The following LPO variants were observed in gnomAD, a reference collection of about 807,000 sequenced individuals.
LPO encodes the protein salivary peroxidase.
In LPO, 70 loss-of-function variants were observed where a neutral mutation model predicts 68.4. That is an observed-to-expected ratio of 1.02 (90% confidence interval 0.84 to 1.25). The LOEUF is 1.25. Ranked by LOEUF, LPO falls within the 50% of genes most tolerant of loss-of-function variation. LPO has a pLI of 0.00. For synonymous variants in LPO, 360 were observed against 357.6 expected (o/e 1.01, Z -0.08); for missense variants, 873 against 908.4 (o/e 0.96, Z 0.50).
At chr17:58,238,905 G>C (rs1195778396) in intron 1 of LPO, among the ~76,000 whole-genome samples, 166 bp downstream of exon 1, 1 of 152,128 alleles carries the variant, frequency 6.6e-6, no homozygotes, top group African/African-American at 2.4e-5. Context: ...TTTGGTATAA[G>C]AGAGAATGTA....
rs1352657291 is a variant in LPO, at chr17:58,249,182, C to T, written c.443+5C>T. On this transcript the variant is annotated splice_donor_5th_base_variant and intron_variant, in intron 5 of 12. Coordinates refer to ENST00000262290, the MANE Select transcript of LPO (RefSeq NM_006151.3). ...TACGGGAGACTGCAATAACAGGTGG[C>T]GGGGCTTGGGGTGTGGGGGCCGACC... The T allele has an allele frequency of 2.5e-6, 4 of 1,608,916 alleles. No homozygotes were observed. In the South Asian group the frequency reaches 3.3e-5, roughly 13 times the overall value.
chr17:58,250,419 G>C lies in LPO; in HGVS notation c.578G>C (p.Arg193Pro), dbSNP rs928003387. The C allele has an allele frequency of 6.2e-7, 1 of 1,613,946 alleles. No individual in the cohort carries two copies. The highest frequency in any genetic ancestry group is 8.5e-7 in the Non-Finnish European group (1 of 1,179,906). The stretch of plus-strand genomic sequence containing the variant: ...CCCTTCTCTCTCCATCTGTAGGCCC[G>C]GGAGGTATCTAACAAGATTGTTGGC... ...TRNGFPLPLAREVSNKIVGYL... is the reference protein window; with the variant it reads ...TRNGFPLPLAPEVSNKIVGYL... The change falls in exon 7 of 13, where the codon CGG becomes CCG. Residue 193 changes from arginine (R) to proline (P), a missense_variant. By Grantham distance (103) the Arg-to-Pro change is moderately radical (BLOSUM62 -2). Coordinates refer to ENST00000262290, the MANE Select transcript of LPO (RefSeq NM_006151.3).
chr17:58,254,461 G>A (rs865948133), intron 8 of LPO: 1 of 162,488 alleles, frequency 6.2e-6, no homozygotes, highest in Non-Finnish European at 1.3e-5. Context: ...CTAGAAGGCG[G>A]TTGGGTTATA....
At chr17:58,253,971 A>T (rs1332685845) in intron 8 of LPO, among the ~76,000 whole-genome samples, 29 of 151,874 alleles carry the variant, frequency 1.9e-4, no homozygotes, top group Non-Finnish European at 1.5e-5. Context: ...AACTAGCAAC[A>T]CATGGTGGCA....
Position 58,267,671 on chromosome 17 carries a change from G to A in LPO, c.1931+85G>A, listed in dbSNP as rs140320377. On this transcript the variant is annotated intron_variant, in intron 12 of 12. Transcript: ENST00000262290. ...AAGGTCCTGCGTGAGCGCTGACTCC[G>A]GATCTCAGTGTGAGTAGGGCTTTTC... The A allele has an allele frequency of 2.4e-3, 3,475 of 1,459,036 alleles. 15 individuals are homozygous for A. The highest frequency in any genetic ancestry group is 5.6e-3 in the Middle Eastern group (29 of 5,194). The allele number at this position is 1,459,036 out of a possible 1,614,324, so 90.4% of individuals were successfully genotyped here.
At position 58,267,486 on chromosome 17, in the gene LPO, A is replaced by T; in HGVS notation, c.1831A>T (p.Ile611Leu). The change falls in exon 12 of 13, where the codon ATA (isoleucine) becomes TTA (leucine). Residue 611 changes from isoleucine (I) to leucine (L), a missense_variant. Coordinates refer to ENST00000262290, the MANE Select transcript of LPO (RefSeq NM_006151.3). The stretch of plus-strand genomic sequence containing the variant: ...GACCCCTGACAACATCGACATCTGG[A>T]TAGGGGCCATTGCTGAGCCGCTGGT... ...YGTPDNIDIW[I>L]GAIAEPLVER... 6.2e-7 allele frequency: 1 copy of T among 1,614,206 alleles called. No homozygotes were observed. Among genetic ancestry groups the T allele is most frequent in the South Asian group, 1.1e-5 (1 of 91,084 alleles).
At chr17:58,249,840 T>C (rs1200137654) in intron 6 of LPO, 145 bp downstream of exon 6, 5 of 1,251,248 alleles carry the variant, frequency 4.0e-6, no homozygotes, top group Non-Finnish European at 5.3e-6. Context: ...CACCTTCCGC[T>C]AGAGGGCAGC....
Position 58,254,806 on chromosome 17 carries a change from T to G in LPO, c.1106-5T>G, listed in dbSNP as rs1303588996. 2.5e-6 allele frequency: 4 copies of G among 1,613,676 alleles called. No individual in the cohort carries two copies. Among genetic ancestry groups the G allele is most frequent in the South Asian group, 1.1e-5 (1 of 91,058 alleles). On this transcript the variant is annotated splice_polypyrimidine_tract_variant and splice_region_variant and intron_variant, in intron 8 of 12. Transcript: ENST00000262290. ...AATCTACCTTCCTGCCTTCTGGGCTTTCAGGAGATTCTCGAGCCTCAGAGC... is the reference window on the plus strand; with the variant it reads ...AATCTACCTTCCTGCCTTCTGGGCTGTCAGGAGATTCTCGAGCCTCAGAGC...
intron 4 of LPO, 56 bp downstream of exon 4, chr17:58,247,694 A>G: frequency 6.4e-7 from 1 of 1,571,852 alleles, no homozygotes; most frequent in Non-Finnish European, 8.7e-7. Context: ...CCCACAGGAG[A>G]AAGCAGAGGC....
At position 58,267,336 on chromosome 17, in the gene LPO, C is replaced by T. The variant is rs866371284; in HGVS notation, c.1694-13C>T. 6.2e-7 allele frequency: 1 copy of T among 1,608,686 alleles called. No individual in the cohort carries two copies. Among genetic ancestry groups the T allele is most frequent in the South Asian group, 1.1e-5 (1 of 90,910 alleles). ...GTCCCCGGGATGAGACAGCCTCAGT[C>T]TCTCCACCCTAGGGTACAATTCCTG... On this transcript the variant is annotated splice_polypyrimidine_tract_variant and intron_variant, in intron 11 of 12. Transcript: ENST00000262290.
intron 3 of LPO, among the ~76,000 whole-genome samples, chr17:58,246,621 C>T (rs1969857250): frequency 6.6e-6 from 1 of 152,164 alleles, no homozygotes; most frequent in Non-Finnish European, 1.5e-5. Context: ...TGGATGGGAC[C>T]TTACAGGCTA....
At chr17:58,265,573 CTTTTTTTTTTTTT>C (rs71365866) in intron 10 of LPO, among the ~76,000 whole-genome samples, 1 of 85,212 alleles carries the variant, frequency 1.2e-5, no homozygotes, top group Admixed American at 1.3e-4. Flanking sequence ...TTAAAAATAC[CTTTTTTTTTTTTT>C]TTTTTTTTTT....
intron 4 of LPO, among the ~76,000 whole-genome samples, chr17:58,248,152 C>T (rs564345688): frequency 6.6e-6 from 1 of 152,250 alleles, no homozygotes; most frequent in Non-Finnish European, 1.5e-5. Context: ...CCATCCCCTC[C>T]ACTCTCACCC....
chr17:58,250,538 G>T lies in LPO; in HGVS notation c.697G>T (p.Asp233Tyr). ...GGATCATGACCTGGACTTTGCCCCT[G>T]ACACCGAGCTGGGGAGTAGCGAGTA... ...IVDHDLDFAP[D>Y]TELGSSEYSK... The change falls in exon 7 of 13, where the codon GAC (aspartate) becomes TAC (tyrosine). Residue 233 changes from aspartate (D) to tyrosine (Y), a missense_variant. Transcript: ENST00000262290. 3 of 1,614,164 alleles carry T rather than the reference G, an allele frequency of 1.9e-6. No individual in the cohort carries two copies. In the South Asian group the frequency reaches 3.3e-5, roughly 18 times the overall value.
chr17:58,258,737 G>A (rs950991762), intron 9 of LPO, among the ~76,000 whole-genome samples: 4 of 152,132 alleles, frequency 2.6e-5, no homozygotes, highest in African/African-American at 9.7e-5. Context: ...CATCCTGACG[G>A]TGTCACCACC....
intron 5 of LPO, 181 bp from the exon 6 acceptor site, chr17:58,249,385 C>T: frequency 9.5e-7 from 1 of 1,050,312 alleles, no homozygotes; most frequent in East Asian, 2.6e-5. Flanking sequence ...GCACCTTTCC[C>T]CGGGGCGGGG....
intron 9 of LPO, among the ~76,000 whole-genome samples, chr17:58,255,904 T>C (rs1410605352): frequency 2.0e-5 from 3 of 152,210 alleles, no homozygotes; most frequent in African/African-American, 7.2e-5. Flanking sequence ...CATAGCTCTA[T>C]GCAGTTTTAT....
chr17:58,244,887 G>A (rs1463921932), intron 3 of LPO, among the ~76,000 whole-genome samples: 2 of 152,236 alleles, frequency 1.3e-5, no homozygotes, highest in East Asian at 1.9e-4. Context: ...ACTGCCCTCC[G>A]ATCCTGTACA....
chr17:58,239,579 C>T (rs556214983), intron 1 of LPO, among the ~76,000 whole-genome samples: 2 of 152,166 alleles, frequency 1.3e-5, no homozygotes, highest in South Asian at 2.1e-4. Context: ...TATTGGCTCA[C>T]TCCACCACCC....
Sources: gnomAD v4.1 joint callset for allele counts (sites outside exome capture counted in the v4.1 genomes callset) on GRCh38, gnomAD v4.1.1 for gene constraint, MANE v1.5 for transcripts, NCBI Gene and HGNC (gene_info 2026-07-23, HGNC 2026-07-21) for gene names.